Variants in DCDC2 observed in about 807,000 individuals in gnomAD.
DCDC2 encodes the protein doublecortin domain-containing protein 2.
In DCDC2, 40 loss-of-function variants were observed where a neutral mutation model predicts 50.2. The observed-to-expected ratio is 0.80, with a 90% CI of 0.62 to 1.04. The LOEUF (loss-of-function observed/expected upper bound fraction) is 1.04. Among genes scored for constraint, DCDC2 ranks in the 50% least tolerant of loss-of-function variants. The probability of loss-of-function intolerance (pLI) is 0.00; values close to 1 mark genes in which losing one functional copy is unlikely to be tolerated. For synonymous variants in DCDC2, 234 were observed against 210.6 expected (o/e 1.11, Z -0.96); for missense variants, 570 against 581.9 (o/e 0.98, Z 0.21).
intron 2 of DCDC2, among the ~76,000 whole-genome samples, chr6:24,330,579 T>G (rs1400990995): frequency 6.6e-6 from 1 of 152,172 alleles, no homozygotes; most frequent in African/African-American, 2.4e-5. Context: ...TCTTGTAAAT[T>G]TGCTTTGCTA....
At chr6:24,304,834 G>GT (rs1759442075) in intron 2 of DCDC2, among the ~76,000 whole-genome samples, 1 of 152,054 alleles carries the variant, frequency 6.6e-6, no homozygotes, top group East Asian at 1.9e-4. Context: ...GAGACAGGGT[G>GT]TTGCTCTGTC....
chr6:24,178,253 T>C (rs1760969329), intron 9 of DCDC2, 77 bp downstream of exon 9: 2 of 1,445,860 alleles, frequency 1.4e-6, no homozygotes, highest in African/African-American at 1.4e-5. Context: ...AAACACTTGA[T>C]TAATTCTCTG....
At chr6:24,382,208 G>C in the DCDC2 span, among the ~76,000 whole-genome samples, 1 of 151,974 alleles carries the variant, frequency 6.6e-6, no homozygotes, top group Admixed American at 6.6e-5. Context: ...TCTAAGATTA[G>C]GAGTTAATAA....
intron 8 of DCDC2, among the ~76,000 whole-genome samples, chr6:24,201,768 G>A: frequency 6.6e-6 from 1 of 151,950 alleles, no homozygotes; most frequent in East Asian, 1.9e-4. Flanking sequence ...TAATAAGAGA[G>A]AAGAATCAAA....
At chr6:24,322,415 T>C (rs1207732298) in intron 2 of DCDC2, among the ~76,000 whole-genome samples, 1 of 152,064 alleles carries the variant, frequency 6.6e-6, no homozygotes, top group Non-Finnish European at 1.5e-5. Flanking sequence ...TTGCCATACC[T>C]TGAAATTGCC....
intron 2 of DCDC2, among the ~76,000 whole-genome samples, chr6:24,332,645 T>A (rs1372053716): frequency 6.6e-6 from 1 of 152,184 alleles, no homozygotes; most frequent in African/African-American, 2.4e-5. Context: ...TTGGGGTGAC[T>A]CACTATGTTG....
chr6:24,276,369 A>G (rs1167305630), intron 7 of DCDC2, among the ~76,000 whole-genome samples: 1 of 151,712 alleles, frequency 6.6e-6, no homozygotes, highest in African/African-American at 2.4e-5. Context: ...GCTAACAAGA[A>G]CCTCACAGAA....
At chr6:24,306,543 T>TAGATAGATAGATAGAC (rs1209633765) in intron 2 of DCDC2, among the ~76,000 whole-genome samples, 17 of 115,718 alleles carry the variant, frequency 1.5e-4, no homozygotes, top group South Asian at 3.2e-4. Flanking sequence ...GATAGATAGA[T>TAGATAGATAGATAGAC]AGACAGACAG....
chr6:24,173,480 G>A lies in DCDC2; in HGVS notation c.*1250C>T, dbSNP rs912042230. 11 of 152,048 alleles carry A rather than the reference G, an allele frequency of 7.2e-5. No individual in the cohort carries two copies. The highest frequency in any genetic ancestry group is 1.2e-4 in the African/African-American group (5 of 41,402). The allele number at this position is 152,048 out of a possible 1,614,324, so 9.4% of individuals were successfully genotyped here. ...AAAAATATATTATTTCTATATTTATGGAAGAACATCTCTTAAGAATTCATA... is the reference window on the plus strand; with the variant it reads ...AAAAATATATTATTTCTATATTTATAGAAGAACATCTCTTAAGAATTCATA... On this transcript the variant is annotated 3_prime_UTR_variant, in exon 10 of 10. Coordinates refer to ENST00000378454, the MANE Select transcript of DCDC2 (RefSeq NM_016356.5).
intron 7 of DCDC2, among the ~76,000 whole-genome samples, chr6:24,268,218 G>A (rs1763167118): frequency 6.6e-6 from 1 of 152,196 alleles, no homozygotes; most frequent in Non-Finnish European, 1.5e-5. Context: ...CAGGCGCGGT[G>A]ACTCACGCCT....
intron 2 of DCDC2, among the ~76,000 whole-genome samples, chr6:24,327,767 G>A (rs1473541831): frequency 3.9e-5 from 6 of 152,018 alleles, no homozygotes; most frequent in Non-Finnish European, 8.8e-5. Context: ...GAGCCACCGC[G>A]CCTGGCAACA....
rs574023714 is a variant in DCDC2 at position 24,239,269 on chromosome 6, T to G, written c.923-34167A>C. 3.3e-5 allele frequency among the ~76,000 whole-genome samples: 5 copies of G among 152,282 alleles called. No individual in the cohort carries two copies. The South Asian group carries it at 8.3e-4, about 25-fold the overall frequency. On this transcript the variant is annotated intron_variant, in intron 7 of 9. Transcript: ENST00000378454. The stretch of plus-strand genomic sequence containing the variant: ...AGAACACCAGGAGTGGCATTCCCTT[T>G]GGACCAAAAGGAAGAAGGACAGGAT...
At chr6:24,196,177 CTTTCT>C (rs1388234401) in intron 8 of DCDC2, among the ~76,000 whole-genome samples, 1 of 150,948 alleles carries the variant, frequency 6.6e-6, no homozygotes, top group East Asian at 1.9e-4. Flanking sequence ...ACTATATTTC[CTTTCT>C]TAATTAGGAT....
chr6:24,247,962 G>C (rs1040551764), intron 7 of DCDC2, among the ~76,000 whole-genome samples: 1 of 152,176 alleles, frequency 6.6e-6, no homozygotes, highest in Non-Finnish European at 1.5e-5. Context: ...TGTAATCCCA[G>C]CTTCTCAGGA....
At chr6:24,188,316 C>T (rs1398119498) in intron 8 of DCDC2, among the ~76,000 whole-genome samples, 1 of 151,950 alleles carries the variant, frequency 6.6e-6, no homozygotes, top group Non-Finnish European at 1.5e-5. Context: ...GTAATAGTGC[C>T]CTGAAATCAT....
At chr6:24,333,861 GA>G (rs1395220443) in intron 2 of DCDC2, among the ~76,000 whole-genome samples, 1 of 152,196 alleles carries the variant, frequency 6.6e-6, no homozygotes, top group Non-Finnish European at 1.5e-5. Context: ...AGAGGTGGCA[GA>G]AGTGGAGAGA....
chr6:24,180,385 T>G (rs1032454896), intron 8 of DCDC2, among the ~76,000 whole-genome samples: 4 of 151,932 alleles, frequency 2.6e-5, no homozygotes, highest in African/African-American at 9.7e-5. Context: ...CCCCGGTTCA[T>G]GCCATTCTCC....
chr6:24,341,784 A>G (rs199532476), intron 2 of DCDC2, among the ~76,000 whole-genome samples: 32 of 152,294 alleles, frequency 2.1e-4, no homozygotes, highest in African/African-American at 7.5e-4. Context: ...ATTCAAGCCC[A>G]AGTCCTTGGC....
chr6:24,215,619 T>G (rs1483540232), intron 7 of DCDC2, among the ~76,000 whole-genome samples: 2 of 152,170 alleles, frequency 1.3e-5, no homozygotes, highest in African/African-American at 4.8e-5. Context: ...TGGGTCAGAC[T>G]GAAGCCACCA....
Sources: gnomAD v4.1 joint callset for allele counts (sites outside exome capture counted in the v4.1 genomes callset) on GRCh38, gnomAD v4.1.1 for gene constraint, MANE v1.5 for transcripts, NCBI Gene and HGNC (gene_info 2026-07-23, HGNC 2026-07-21) for gene names.